Variants in MYO6 observed in about 807,000 individuals in gnomAD.
The protein encoded by MYO6 is unconventional myosin-VI.
Under a neutral mutation model 178.7 loss-of-function variants are expected in MYO6, and 74 were observed. The observed-to-expected ratio is 0.41, with a 90% CI of 0.34 to 0.50. MYO6 has a LOEUF of 0.50. MYO6 is among the 20% of genes least tolerant of loss of function. The pLI is 0.09. For missense variants in MYO6, 1,330 were observed against 1,547.4 expected (o/e 0.86, Z 2.36); for synonymous variants, 477 against 504.6 (o/e 0.95, Z 0.73).
At chr6:75,822,984 A>G (rs916790497) in intron 3 of MYO6, 133 bp downstream of exon 3, 4 of 726,688 alleles carry the variant, frequency 5.5e-6, no homozygotes, top group South Asian at 4.7e-5. Flanking sequence ...ATGAATATTC[A>G]TGTGAATGAA....
chr6:75,903,531 A>G lies in MYO6; in HGVS notation c.3177-4074A>G, dbSNP rs578138717. Among the ~76,000 whole-genome samples the G allele has an allele frequency of 8.9e-4, 135 of 152,116 alleles. 1 individual carries two copies. Among genetic ancestry groups the G allele is most frequent in the African/African-American group, 3.2e-3 (131 of 41,496 alleles). ...TTGTTGGTTTAAAGTCTGTTTTATCAGAGACTAGGATTGCAACCCCTGCCT... is the reference window on the plus strand; with the variant it reads ...TTGTTGGTTTAAAGTCTGTTTTATCGGAGACTAGGATTGCAACCCCTGCCT... On this transcript the variant is annotated intron_variant, in intron 30 of 34. Coordinates refer to ENST00000369977, the MANE Select transcript of MYO6 (RefSeq NM_004999.4).
chr6:75,789,254 C>T (rs1395537182), intron 1 of MYO6, among the ~76,000 whole-genome samples: 1 of 152,104 alleles, frequency 6.6e-6, no homozygotes, highest in East Asian at 1.9e-4. Context: ...AAAGTCACTG[C>T]CAATTAAGTA....
intron 28 of MYO6, chr6:75,894,964 C>G: frequency 1.4e-6 from 1 of 725,954 alleles, no homozygotes; most frequent in Non-Finnish European, 2.1e-6. Context: ...TATCCAGATT[C>G]TATTAAAAAC....
chr6:75,897,857 A>G (rs537446868), intron 29 of MYO6, among the ~76,000 whole-genome samples: 107 of 152,286 alleles, frequency 7.0e-4, no homozygotes, highest in Middle Eastern at 6.8e-3. Flanking sequence ...GTCCATTTTG[A>G]TATTCTTTTT....
intron 23 of MYO6, 68 bp from the exon 24 acceptor site, chr6:75,885,936 G>GTT (rs958186535): frequency 1.0e-6 from 1 of 953,868 alleles, no homozygotes; most frequent in Non-Finnish European, 1.6e-6. Context: ...GTGAAAATGA[G>GTT]TTTTTTTAAT....
chr6:75,914,448 T>C (rs1313073534), intron 34 of MYO6, among the ~76,000 whole-genome samples, 167 bp downstream of exon 34: 1 of 152,226 alleles, frequency 6.6e-6, no homozygotes, highest in African/African-American at 2.4e-5. Flanking sequence ...AACTCATTTA[T>C]AATGTGAAAT....
At chr6:75,815,348 G>A (rs1010380232) in intron 1 of MYO6, among the ~76,000 whole-genome samples, 3 of 152,132 alleles carry the variant, frequency 2.0e-5, no homozygotes, top group Admixed American at 1.3e-4. Context: ...GTAGACCATG[G>A]CAATAATAAC....
intron 1 of MYO6, among the ~76,000 whole-genome samples, chr6:75,814,112 T>C (rs547873763): frequency 5.3e-5 from 8 of 152,236 alleles, no homozygotes; most frequent in Admixed American, 2.6e-4. Context: ...TAGACTGCTT[T>C]TCAAGTTTAT....
chr6:75,888,458 T>C (rs996755174), intron 25 of MYO6, among the ~76,000 whole-genome samples: 1 of 151,042 alleles, frequency 6.6e-6, no homozygotes, highest in African/African-American at 2.4e-5. Flanking sequence ...CCACCAAAAA[T>C]ACAAAAAATT....
chr6:75,866,470 T>C, intron 16 of MYO6, 56 bp from the exon 17 acceptor site: 1 of 1,360,148 alleles, frequency 7.4e-7, no homozygotes, highest in Non-Finnish European at 1.0e-6. Flanking sequence ...TTGTAAAGAA[T>C]GATTATGTAA....
At chr6:75,909,830 G>A (rs552253880) in intron 32 of MYO6, among the ~76,000 whole-genome samples, 1 of 152,266 alleles carries the variant, frequency 6.6e-6, no homozygotes, top group Admixed American at 6.5e-5. Context: ...CTTAAAAAAT[G>A]AGTTCTTGGT....
intron 1 of MYO6, among the ~76,000 whole-genome samples, chr6:75,808,619 C>G (rs1770348259): frequency 6.6e-6 from 1 of 152,134 alleles, no homozygotes; most frequent in Admixed American, 6.5e-5. Flanking sequence ...CTGAATATGG[C>G]AGAGACAGCT....
At position 75,885,986 on chromosome 6, in the gene MYO6, T is replaced by C; in HGVS notation, c.2417-18T>C. The C allele has an allele frequency of 6.9e-7, 1 of 1,447,818 alleles. No homozygotes were observed. Among genetic ancestry groups the C allele is most frequent in the Non-Finnish European group, 9.7e-7 (1 of 1,034,408 alleles). 89.7% of individuals were successfully genotyped at this position (1,447,818 alleles called of 1,614,324 possible). A position where few individuals can be genotyped will look rare whatever the true frequency, so the allele number is the denominator to read the frequency against. ...AACTGAATAATTTTCTATCATTTTA[T>C]TTTACTCTTACACATAGTGAAAAAC... On this transcript the variant is annotated intron_variant, in intron 23 of 34. Transcript: ENST00000369977.
chr6:75,907,541 C>T, intron 30 of MYO6, 64 bp from the exon 31 acceptor site: 9 of 1,292,774 alleles, frequency 7.0e-6, no homozygotes, highest in Non-Finnish European at 1.0e-5. Context: ...GCTTTCTTGC[C>T]TCTTTAGTCA....
intron 1 of MYO6, among the ~76,000 whole-genome samples, chr6:75,765,014 A>G (rs1778285290): frequency 6.6e-6 from 1 of 151,518 alleles, no homozygotes. Flanking sequence ...AAAAAAAAAA[A>G]GAGAGAGAGA....
chr6:75,806,860 C>G (rs1333415041), intron 1 of MYO6, among the ~76,000 whole-genome samples: 1 of 152,226 alleles, frequency 6.6e-6, no homozygotes, highest in African/African-American at 2.4e-5. Context: ...GTTCGGGGCT[C>G]TCAGCTCTGA....
intron 1 of MYO6, among the ~76,000 whole-genome samples, chr6:75,798,635 G>A (rs2842541): frequency 0.77 from 117,707 of 152,152 alleles, 46,744 homozygotes; most frequent in East Asian, 0.95. Flanking sequence ...ATAATGAGTT[G>A]TCTATGATAA....
At chr6:75,802,151 G>A (rs1769531330) in intron 1 of MYO6, among the ~76,000 whole-genome samples, 1 of 151,928 alleles carries the variant, frequency 6.6e-6, no homozygotes, top group South Asian at 2.1e-4. Flanking sequence ...TTAACTCCCT[G>A]TAAAAAGCAT....
At chr6:75,880,764 A>G (rs1414388236) in intron 22 of MYO6, among the ~76,000 whole-genome samples, 1 of 152,216 alleles carries the variant, frequency 6.6e-6, no homozygotes, top group Non-Finnish European at 1.5e-5. Flanking sequence ...TTTTGACTAT[A>G]AGAAGCCGTT....
Sources: gnomAD v4.1 joint callset for allele counts (sites outside exome capture counted in the v4.1 genomes callset) on GRCh38, gnomAD v4.1.1 for gene constraint, MANE v1.5 for transcripts, NCBI Gene and HGNC (gene_info 2026-07-23, HGNC 2026-07-21) for gene names.